Variants in ITCH observed in about 807,000 individuals in gnomAD.
The protein encoded by ITCH is itchy E3 ubiquitin protein ligase.
Under a neutral mutation model 126.8 loss-of-function variants are expected in ITCH, and 28 were observed. The observed-to-expected ratio is 0.22, with a 90% CI of 0.16 to 0.30. The LOEUF is 0.30. Among genes scored for constraint, ITCH ranks in the 10% least tolerant of loss-of-function variants. ITCH has a pLI of 1.00. For synonymous variants in ITCH, 342 were observed against 340.0 expected (o/e 1.01, Z -0.06); for missense variants, 631 against 1,032.4 (o/e 0.61, Z 5.33).
chr20:34,407,224 C>T (rs1389078226), intron 3 of ITCH, among the ~76,000 whole-genome samples: 1 of 152,056 alleles, frequency 6.6e-6, no homozygotes, highest in Non-Finnish European at 1.5e-5. Context: ...AGTTCTTATT[C>T]TTCCATTGGC....
chr20:34,417,245 C>T, intron 6 of ITCH: 1 of 601,790 alleles, frequency 1.7e-6, no homozygotes, highest in South Asian at 1.7e-5. Flanking sequence ...TACAGGTATG[C>T]ACCACCACGC....
At position 34,445,613 on chromosome 20, in the gene ITCH, G is replaced by A. The variant is rs545657239; in HGVS notation, c.1140+152G>A. ...GTATTATTTTTAGACCTTGTCTGGG[G>A]TATTCTGTGTGTGATCTAGTTTTTC... On this transcript the variant is annotated intron_variant, in intron 11 of 24. Transcript: ENST00000374864. 13 of 685,846 alleles carry A rather than the reference G, an allele frequency of 1.9e-5. No homozygotes were observed. In the South Asian group the frequency reaches 2.5e-4, roughly 13 times the overall value. 42.5% of individuals were successfully genotyped at this position (685,846 alleles called of 1,614,324 possible). A position where few individuals can be genotyped will look rare whatever the true frequency, so the allele number is the denominator to read the frequency against.
rs1978619007 is a variant in ITCH at position 34,510,181 on chromosome 20, T to A, written c.*2387T>A. On this transcript the variant is annotated 3_prime_UTR_variant, in exon 25 of 25. Coordinates refer to ENST00000374864, the MANE Select transcript of ITCH (RefSeq NM_031483.7). ...ACTCCATTTTTTCCTTTAATTTAAG[T>A]GGCCACATGTATATGTCTTCCCTGC... The A allele has an allele frequency of 6.6e-6, 1 of 152,594 alleles. No homozygotes were observed. Among genetic ancestry groups the A allele is most frequent in the African/African-American group, 2.4e-5 (1 of 41,428 alleles). The allele number at this position is 152,594 out of a possible 1,614,324, so 9.5% of individuals were successfully genotyped here.
In ITCH at chr20:34,372,384, C is replaced by CTTTTTTTTTTTTTTTTTTTT. The variant is rs779017298; in HGVS notation, c.-22+2928_-22+2929insTTTTTTTTTTTTTTTTTTTT. ...AGAAACCATGTTATTTTAAGTTCTA[C>CTTTTTTTTTTTTTTTTTTTT]TTTTTTTTTTTTTTGAGAGGGAATC... On this transcript the variant is annotated intron_variant, in intron 2 of 24. Transcript: ENST00000374864. 2.8e-4 allele frequency among the ~76,000 whole-genome samples: 26 copies of CTTTTTTTTTTTTTTTTTTTT among 93,156 alleles called. 2 individuals carry two copies. The highest frequency in any genetic ancestry group is 4.6e-4 in the African/African-American group (10 of 21,522). 61.1% of individuals were successfully genotyped at this position (93,156 alleles called of 152,430 possible). A position where few individuals can be genotyped will look rare whatever the true frequency, so the allele number is the denominator to read the frequency against.
At chr20:34,373,305 T>G (rs2037711076) in intron 2 of ITCH, among the ~76,000 whole-genome samples, 1 of 147,878 alleles carries the variant, frequency 6.8e-6, no homozygotes, top group African/African-American at 2.5e-5. Flanking sequence ...TGAGGCAGAG[T>G]CTTGTTCTCG....
chr20:34,426,050 A>G (rs1199398195), intron 7 of ITCH, among the ~76,000 whole-genome samples: 2 of 152,386 alleles, frequency 1.3e-5, no homozygotes, highest in South Asian at 4.1e-4. Context: ...CTTATTGGTT[A>G]TCCTGGAAAT....
chr20:34,497,996 GTTTTC>G (rs1166284825), intron 23 of ITCH, among the ~76,000 whole-genome samples: 1 of 152,160 alleles, frequency 6.6e-6, no homozygotes, highest in Non-Finnish European at 1.5e-5. Context: ...TTTTTTGTGT[GTTTTC>G]TTCAGTTTCT....
intron 20 of ITCH, among the ~76,000 whole-genome samples, chr20:34,483,688 G>A (rs1165790645): frequency 6.6e-6 from 1 of 152,152 alleles, no homozygotes; most frequent in Non-Finnish European, 1.5e-5. Flanking sequence ...ACATTTTCCT[G>A]TCTTCTTCTG....
intron 7 of ITCH, among the ~76,000 whole-genome samples, chr20:34,433,701 T>C (rs1982634769): frequency 1.3e-5 from 2 of 150,102 alleles, no homozygotes; most frequent in African/African-American, 4.9e-5. Flanking sequence ...AAGAAAGCGA[T>C]TAAATTGTAG....
intron 11 of ITCH, among the ~76,000 whole-genome samples, chr20:34,446,155 G>T (rs886163206): frequency 6.6e-6 from 1 of 152,064 alleles, no homozygotes; most frequent in African/African-American, 2.4e-5. Flanking sequence ...TTGATCTTTT[G>T]TCTGGAGGAA....
At chr20:34,468,821 A>G (rs986427020) in intron 14 of ITCH, among the ~76,000 whole-genome samples, 1 of 151,938 alleles carries the variant, frequency 6.6e-6, no homozygotes, top group African/African-American at 2.4e-5. Flanking sequence ...GAAAAGAAAT[A>G]TAAGATGTAT....
chr20:34,507,250 CTTG>C (rs1362129282), intron 24 of ITCH, among the ~76,000 whole-genome samples: 124 of 112,128 alleles, frequency 1.1e-3, no homozygotes, highest in African/African-American at 4.0e-3. Flanking sequence ...CTTTTCAACT[CTTG>C]TTTTCTTCTG....
Position 34,474,207 on chromosome 20 carries a change from G to A in ITCH, c.1569+2692G>A, listed in dbSNP as rs547090847. On this transcript the variant is annotated intron_variant, in intron 16 of 24. Transcript: ENST00000374864. Reference sequence around the variant, plus strand: ...TATTGATCATTCTTGGGTGTTTCTCGCAGAGGGGGATTTGGCAGGGTCATA... The same window carrying A: ...TATTGATCATTCTTGGGTGTTTCTCACAGAGGGGGATTTGGCAGGGTCATA... 7.3e-5 allele frequency among the ~76,000 whole-genome samples: 11 copies of A among 151,068 alleles called. No homozygotes were observed. The South Asian group carries it at 1.7e-3, about 23-fold the overall frequency.
chr20:34,466,361 A>G (rs757559261), intron 14 of ITCH: 1 of 532,206 alleles, frequency 1.9e-6, no homozygotes, highest in Non-Finnish European at 3.9e-6. Context: ...GTTCATAAGG[A>G]ATGTTGCTCT....
At chr20:34,477,729 CA>C (rs1988369549) in intron 16 of ITCH, 42 bp from the exon 17 acceptor site, 24 of 1,584,946 alleles carry the variant, frequency 1.5e-5, no homozygotes, top group Non-Finnish European at 2.0e-5. Context: ...GACAGTGTTT[CA>C]ATAGCTTTTT....
At chr20:34,432,524 T>G (rs1215091643) in intron 7 of ITCH, among the ~76,000 whole-genome samples, 1 of 152,244 alleles carries the variant, frequency 6.6e-6, no homozygotes, top group African/African-American at 2.4e-5. Flanking sequence ...TCTTTAATTT[T>G]AAAAAGCATT....
chr20:34,432,763 CTGGGTGACA>C (rs903985029), intron 7 of ITCH, among the ~76,000 whole-genome samples: 1 of 151,714 alleles, frequency 6.6e-6, no homozygotes, highest in Admixed American at 6.6e-5. Flanking sequence ...CGAGACCAGC[CTGGGTGACA>C]TGGCGAAACC....
chr20:34,369,562 T>C (rs1174016033), intron 2 of ITCH, 92 bp downstream of exon 2: 2 of 393,372 alleles, frequency 5.1e-6, no homozygotes, highest in Non-Finnish European at 4.5e-6. Context: ...AGAGCAGTGT[T>C]GATGCTAGCT....
chr20:34,438,439 C>T (rs2146279109), intron 7 of ITCH, 35 bp from the exon 8 acceptor site: 1 of 1,608,996 alleles, frequency 6.2e-7, no homozygotes, highest in South Asian at 1.1e-5. Flanking sequence ...TCATTATTTC[C>T]CTCTCCCCCT....
Sources: gnomAD v4.1 joint callset for allele counts (sites outside exome capture counted in the v4.1 genomes callset) on GRCh38, gnomAD v4.1.1 for gene constraint, MANE v1.5 for transcripts, NCBI Gene and HGNC (gene_info 2026-07-23, HGNC 2026-07-21) for gene names.